TTC39B: variants seen among roughly 807,000 people sequenced by gnomAD.
The protein encoded by TTC39B is tetratricopeptide repeat protein 39B.
TTC39B carries 92 observed loss-of-function variants against 96.6 expected under a neutral mutation model. The ratio of observed to expected loss-of-function variants is 0.95; its 90% CI spans 0.80 to 1.13. The LOEUF (loss-of-function observed/expected upper bound fraction) is 1.13. Among genes scored for constraint, TTC39B ranks in the 50% most tolerant of loss-of-function variants. TTC39B has a pLI of 0.00. For missense variants in TTC39B, 955 were observed against 809.3 expected (o/e 1.18, Z -2.18); for synonymous variants, 367 against 299.4 (o/e 1.23, Z -2.33).
At chr9:15,266,884 C>T (rs1823152677) in intron 2 of TTC39B, among the ~76,000 whole-genome samples, 1 of 152,044 alleles carries the variant, frequency 6.6e-6, no homozygotes, top group Admixed American at 6.6e-5. Context: ...TGGAGACCAT[C>T]CTGGCTAACA....
intron 3 of TTC39B, among the ~76,000 whole-genome samples, chr9:15,218,933 T>C (rs754734674): frequency 6.6e-6 from 1 of 152,114 alleles, no homozygotes; most frequent in Non-Finnish European, 1.5e-5. Flanking sequence ...CTGGAGGTTT[T>C]GTCTCTTTCC....
intron 1 of TTC39B, among the ~76,000 whole-genome samples, chr9:15,300,642 T>C (rs981270780): frequency 2.0e-5 from 3 of 152,140 alleles, no homozygotes; most frequent in Non-Finnish European, 4.4e-5. Context: ...TCCCAGCACT[T>C]TGGGAGGCCA....
exon 20 of TTC39B, chr9:15,169,466 C>G (rs1246599949): frequency 1.3e-5 from 2 of 152,064 alleles, no homozygotes; most frequent in Non-Finnish European, 2.9e-5. Context: ...GGCAATTATG[C>G]CAGGAACTAC....
At chr9:15,209,845 A>G (rs547719390) in intron 6 of TTC39B, among the ~76,000 whole-genome samples, 1 of 152,334 alleles carries the variant, frequency 6.6e-6, no homozygotes, top group East Asian at 1.9e-4. Flanking sequence ...GCTTGCAAAA[A>G]AAAAATGAAC....
intron 1 of TTC39B, among the ~76,000 whole-genome samples, chr9:15,286,753 C>T (rs1417896852): frequency 2.6e-5 from 4 of 152,198 alleles, no homozygotes; most frequent in Non-Finnish European, 5.9e-5. Flanking sequence ...CTCTGGCATT[C>T]TACTAAAGCA....
intron 2 of TTC39B, among the ~76,000 whole-genome samples, chr9:15,266,485 A>T (rs904775225): frequency 1.3e-5 from 2 of 152,222 alleles, no homozygotes; most frequent in Non-Finnish European, 2.9e-5. Context: ...AATAATTTTT[A>T]AAAATACTAA....
At chr9:15,302,497 G>A (rs112772333) in intron 1 of TTC39B, among the ~76,000 whole-genome samples, 16 of 121,188 alleles carry the variant, frequency 1.3e-4, no homozygotes, top group South Asian at 2.9e-4. Context: ...CATGCATCAC[G>A]CCACTGCACT....
chr9:15,227,104 C>T (rs1564366662), intron 2 of TTC39B, among the ~76,000 whole-genome samples: 1 of 151,918 alleles, frequency 6.6e-6, no homozygotes, highest in East Asian at 1.9e-4. Context: ...GTCAGGAGTT[C>T]GAGACCAGCC....
At chr9:15,240,484 T>C (rs1484527247) in intron 2 of TTC39B, among the ~76,000 whole-genome samples, 1 of 152,144 alleles carries the variant, frequency 6.6e-6, no homozygotes, top group Non-Finnish European at 1.5e-5. Context: ...CTTTAGATTC[T>C]TTGTACTTTT....
At chr9:15,256,927 C>T (rs1352626015) in intron 2 of TTC39B, among the ~76,000 whole-genome samples, 2 of 152,162 alleles carry the variant, frequency 1.3e-5, no homozygotes, top group African/African-American at 4.8e-5. Flanking sequence ...GACAGGAAAA[C>T]TCATGGATGG....
At chr9:15,190,820 G>C (rs933141088) in intron 10 of TTC39B, among the ~76,000 whole-genome samples, 158 bp from the exon 11 acceptor site, 12 of 152,170 alleles carry the variant, frequency 7.9e-5, no homozygotes, top group African/African-American at 2.9e-4. Flanking sequence ...ATCACCGCAA[G>C]AGTGAACATC....
intron 2 of TTC39B, among the ~76,000 whole-genome samples, 196 bp from the exon 3 acceptor site, chr9:15,226,208 T>C (rs1159129294): frequency 6.6e-6 from 1 of 152,242 alleles, no homozygotes; most frequent in East Asian, 1.9e-4. Flanking sequence ...CCCTAATAAC[T>C]TTATTTTTTC....
intron 2 of TTC39B, among the ~76,000 whole-genome samples, chr9:15,267,030 G>A (rs995059854): frequency 2.6e-5 from 4 of 152,190 alleles, no homozygotes; most frequent in Admixed American, 2.0e-4. Context: ...AGTGAGCCGA[G>A]ATCGTGCCAC....
chr9:15,268,295 C>T (rs1282707983), intron 1 of TTC39B, among the ~76,000 whole-genome samples: 7 of 152,088 alleles, frequency 4.6e-5, no homozygotes, highest in Non-Finnish European at 1.0e-4. Flanking sequence ...AGGACTTGCC[C>T]GATGTAGTCT....
Position 15,300,891 on chromosome 9 carries a change from CAAAAAAAAAAA to C in TTC39B, c.240+6182_240+6192del, listed in dbSNP as rs71491658. On this transcript the variant is annotated intron_variant, in intron 1 of 19. Coordinates refer to ENST00000512701, the Ensembl canonical transcript of TTC39B. Reference sequence around the variant, plus strand: ...TGGGTGAAAGAGTAAAACTCCGTCTCAAAAAAAAAAAAAAAAAAAAAAAAAAACCTTCCAGG... The same window carrying C: ...TGGGTGAAAGAGTAAAACTCCGTCTCAAAAAAAAAAAAAAAACCTTCCAGG... Among the ~76,000 whole-genome samples the C allele has an allele frequency of 1.4e-4, 11 of 81,192 alleles. No individual in the cohort carries two copies. The South Asian group carries it at 1.9e-3, about 14-fold the overall frequency. The allele number at this position is 81,192 out of a possible 152,430, so 53.3% of individuals were successfully genotyped here.
In TTC39B at chr9:15,286,527, G is replaced by T. The variant is rs575395678; in HGVS notation, c.241-18579C>A. Among the ~76,000 whole-genome samples the T allele has an allele frequency of 2.0e-5, 3 of 152,252 alleles. No individual in the cohort carries two copies. The East Asian group carries it at 5.8e-4, about 29-fold the overall frequency. ...ATGTTAATTTTGGTCACCTGGTCAAGGTGTTGTCCTATTTCTCCACTGCAT... is the reference window on the plus strand; with the variant it reads ...ATGTTAATTTTGGTCACCTGGTCAATGTGTTGTCCTATTTCTCCACTGCAT... On this transcript the variant is annotated intron_variant, in intron 1 of 19. Transcript: ENST00000512701.
chr9:15,283,885 T>C (rs1823861253), intron 1 of TTC39B, among the ~76,000 whole-genome samples: 1 of 152,030 alleles, frequency 6.6e-6, no homozygotes, highest in East Asian at 1.9e-4. Context: ...TTTTAAAAAA[T>C]GGGTATTTTT....
At chr9:15,257,704 T>C (rs983423170) in intron 2 of TTC39B, among the ~76,000 whole-genome samples, 3 of 151,300 alleles carry the variant, frequency 2.0e-5, no homozygotes, top group Admixed American at 6.6e-5. Flanking sequence ...CGTTTTGGCC[T>C]CCCAAAGTGC....
At chr9:15,277,546 G>T (rs540567218) in intron 1 of TTC39B, among the ~76,000 whole-genome samples, 1 of 152,148 alleles carries the variant, frequency 6.6e-6, no homozygotes, top group East Asian at 1.9e-4. Context: ...GGCCAACATG[G>T]TGAGACCTTG....
Sources: allele counts gnomAD v4.1 joint callset (sites outside exome capture counted in the v4.1 genomes callset), GRCh38; gene constraint gnomAD v4.1.1; transcripts MANE v1.5; gene names NCBI Gene and HGNC (gene_info 2026-07-23, HGNC 2026-07-21).